PLIN3: variants seen among roughly 807,000 people sequenced by gnomAD.
PLIN3 encodes the protein perilipin-3.
PLIN3 carries 30 observed loss-of-function variants against 35.9 expected under a neutral mutation model. The observed-to-expected ratio is 0.84, with a 90% CI of 0.62 to 1.13. The LOEUF (loss-of-function observed/expected upper bound fraction) is 1.13, where lower values mean the gene tolerates loss of function less well. Among genes scored for constraint, PLIN3 ranks in the 50% most tolerant of loss-of-function variants. The pLI, the probability that PLIN3 is intolerant of heterozygous loss-of-function variation, is 0.00. For synonymous variants in PLIN3, 261 were observed against 262.5 expected (o/e 0.99, Z 0.06); for missense variants, 603 against 596.9 (o/e 1.01, Z -0.11).
chr19:4,847,258 T>C (rs2030131831), intron 6 of PLIN3, among the ~76,000 whole-genome samples: 1 of 151,104 alleles, frequency 6.6e-6, no homozygotes, highest in Non-Finnish European at 1.5e-5. Context: ...GGCACAATCA[T>C]AGCTCACTGC....
chr19:4,844,908 G>A, intron 6 of PLIN3, 115 bp from the exon 7 acceptor site: 3 of 1,241,274 alleles, frequency 2.4e-6, no homozygotes, highest in Non-Finnish European at 3.3e-6. Context: ...CTAGAAAAGA[G>A]AAAGGGAGGG....
At chr19:4,849,412 A>C (rs2030211904) in intron 5 of PLIN3, among the ~76,000 whole-genome samples, 1 of 151,636 alleles carries the variant, frequency 6.6e-6, no homozygotes, top group African/African-American at 2.4e-5. Flanking sequence ...GGCTCAAGTG[A>C]TCCTCCTGTC....
chr19:4,855,472 A>T (rs920735013), intron 4 of PLIN3, among the ~76,000 whole-genome samples: 1 of 151,922 alleles, frequency 6.6e-6, no homozygotes, highest in Non-Finnish European at 1.5e-5. Context: ...CCCCTCAGCC[A>T]AGCCCACTAT....
intron 2 of PLIN3, among the ~76,000 whole-genome samples, chr19:4,860,438 C>T (rs1460496779): frequency 6.6e-6 from 1 of 151,780 alleles, no homozygotes; most frequent in African/African-American, 2.4e-5. Context: ...CTCCTGACCT[C>T]GTGATTCGCC....
In PLIN3 at chr19:4,847,694, G is replaced by C; in HGVS notation, c.831C>G (p.Ser277Arg). ...CCCCGACCCCCTGGAACCTCACCAG[G>C]CTTAGGACCTGCGACAGCTGCAGCA... ...EALLQLSQVL[S>R]LMETVKQGVD... The change falls in exon 6 of 8, where the codon AGC (serine) becomes AGG (arginine). Residue 277 changes from serine (S) to arginine (R), a missense_variant. Coordinates refer to ENST00000221957, the MANE Select transcript of PLIN3 (RefSeq NM_005817.5). The C allele has an allele frequency of 6.3e-7, 1 of 1,596,668 alleles. No homozygotes were observed.
Position 4,844,810 on chromosome 19 carries a change from A to C in PLIN3, c.835-17T>G. On this transcript the variant is annotated splice_polypyrimidine_tract_variant and intron_variant, in intron 6 of 7. Transcript: ENST00000221957. ...AGTTTCCATCTGGGGCAGGGGAGAG[A>C]GAAGTGAGGGAAGGAGGCTCCCCTG... 1 of 1,582,506 alleles carries C rather than the reference A, an allele frequency of 6.3e-7. No individual in the cohort carries two copies. Among genetic ancestry groups the C allele is most frequent in the Non-Finnish European group, 8.6e-7 (1 of 1,165,346 alleles).
chr19:4,844,807 G>A lies in PLIN3; in HGVS notation c.835-14C>T, dbSNP rs200937420. On this transcript the variant is annotated splice_polypyrimidine_tract_variant and intron_variant, in intron 6 of 7. Transcript: ENST00000221957. ...GACAGTTTCCATCTGGGGCAGGGGA[G>A]AGAGAAGTGAGGGAAGGAGGCTCCC... is the stretch of plus-strand genomic sequence containing the variant. The A allele has an allele frequency of 4.4e-6, 7 of 1,583,844 alleles. No individual in the cohort carries two copies. The South Asian group carries it at 4.6e-5, about 10-fold the overall frequency.
chr19:4,839,306 G>T lies in PLIN3; in HGVS notation c.1191C>A (p.Ala397=), dbSNP rs752138898. 2 of 1,613,944 alleles carry T rather than the reference G, an allele frequency of 1.2e-6. No individual in the cohort carries two copies. The highest frequency in any genetic ancestry group is 1.7e-5 in the Admixed American group (1 of 59,976). The change falls in exon 8 of 8, where the codon GCC becomes GCA. Residue 397 remains alanine, a synonymous_variant. Coordinates refer to ENST00000221957, the MANE Select transcript of PLIN3 (RefSeq NM_005817.5). ...LAQSRERVAS[A]REALDHMVEY... is the part of the protein sequence containing the mutation. ...CCACCATGTGGTCCAGGGCCTCGCG[G>T]GCGCTGGCGACACGCTCACGGCTCT... is the stretch of plus-strand genomic sequence containing the variant.
chr19:4,848,430 G>A (rs1266735718), intron 5 of PLIN3, among the ~76,000 whole-genome samples: 1 of 152,224 alleles, frequency 6.6e-6, no homozygotes, highest in South Asian at 2.1e-4. Flanking sequence ...ACTAGCAGGA[G>A]GGTCTCAAGC....
intron 4 of PLIN3, among the ~76,000 whole-genome samples, chr19:4,855,323 C>A (rs899358457): frequency 1.4e-4 from 21 of 149,824 alleles, no homozygotes; most frequent in African/African-American, 4.6e-4. Flanking sequence ...TCACCCTGAG[C>A]TTATCCCTTC....
chr19:4,850,587 ATTTTTTTTT>A (rs71170860), intron 5 of PLIN3, among the ~76,000 whole-genome samples: 10 of 124,644 alleles, frequency 8.0e-5, no homozygotes, highest in East Asian at 2.3e-4. Context: ...CGCCCGGCTA[ATTTTTTTTT>A]TTTTTTTTTT....
chr19:4,856,229 T>A (rs2030470440), intron 4 of PLIN3, among the ~76,000 whole-genome samples: 1 of 152,058 alleles, frequency 6.6e-6, no homozygotes, highest in South Asian at 2.1e-4. Flanking sequence ...CTGTAACCAC[T>A]GGGCTGAAGC....
intron 1 of PLIN3, among the ~76,000 whole-genome samples, chr19:4,862,877 G>A (rs1233764582): frequency 6.6e-6 from 1 of 152,196 alleles, no homozygotes; most frequent in African/African-American, 2.4e-5. Flanking sequence ...CAACAAGTGT[G>A]GCCAGACACA....
chr19:4,867,286 T>C (rs992048788), intron 1 of PLIN3, among the ~76,000 whole-genome samples: 6 of 152,190 alleles, frequency 3.9e-5, no homozygotes, highest in Non-Finnish European at 8.8e-5. Context: ...AAAAGCAAAC[T>C]GTTCAAAATT....
Position 4,841,379 on chromosome 19 carries a change from T to C in PLIN3, c.961-1843A>G, listed in dbSNP as rs533892814. Among the ~76,000 whole-genome samples the C allele has an allele frequency of 9.2e-5, 14 of 152,160 alleles. No homozygotes were observed. In the South Asian group the frequency reaches 2.7e-3, roughly 29 times the overall value. On this transcript the variant is annotated intron_variant, in intron 7 of 7. Transcript: ENST00000221957. Reference sequence around the variant, plus strand: ...CGGACACAAAAGGCCAAACAGGGTGTGATCCCATTTCTATGAAATGTCCAG... The same window carrying C: ...CGGACACAAAAGGCCAAACAGGGTGCGATCCCATTTCTATGAAATGTCCAG...
chr19:4,844,539 C>T (rs112964781), intron 7 of PLIN3, 129 bp downstream of exon 7: 1 of 988,688 alleles, frequency 1.0e-6, no homozygotes, highest in Non-Finnish European at 1.4e-6. Flanking sequence ...AAGGAGGTGT[C>T]ATTAGCTTCC....
chr19:4,866,390 T>TC (rs2030859925), intron 1 of PLIN3, among the ~76,000 whole-genome samples: 1 of 151,836 alleles, frequency 6.6e-6, no homozygotes, highest in African/African-American at 2.4e-5. Context: ...CCCCTAGGAG[T>TC]CTTGCTTGCC....
Position 4,852,070 on chromosome 19 carries a change from C to A in PLIN3, c.580G>T (p.Gly194Trp). ...TTGTCCGCCCACTCCTCCGACTTCC[C>A]CAGCACCGTGTCGACCCCACTCAAC... The part of the protein sequence containing the change: ...MVLSGVDTVL[G>W]KSEEWADNHL... The change falls in exon 5 of 8, where the codon GGG (glycine) becomes TGG (tryptophan). Residue 194 changes from glycine (G) to tryptophan (W), a missense_variant. Coordinates refer to ENST00000221957, the MANE Select transcript of PLIN3 (RefSeq NM_005817.5). The A allele has an allele frequency of 6.2e-7, 1 of 1,614,028 alleles. No individual in the cohort carries two copies.
chr19:4,843,726 C>T (rs2029988322), intron 7 of PLIN3, among the ~76,000 whole-genome samples: 1 of 151,844 alleles, frequency 6.6e-6, no homozygotes, highest in Admixed American at 6.6e-5. Flanking sequence ...TTCCCAGCTA[C>T]TTGGGAGGCT....
Sources: allele counts gnomAD v4.1 joint callset (sites outside exome capture counted in the v4.1 genomes callset), GRCh38; gene constraint gnomAD v4.1.1; transcripts MANE v1.5; gene names NCBI Gene and HGNC (gene_info 2026-07-23, HGNC 2026-07-21).